The following PARG variants were observed in gnomAD, a reference collection of about 807,000 sequenced individuals.
The protein encoded by PARG is mitochondrial poly(ADP-ribose) glycohydrolase.
Under a neutral mutation model 113.0 loss-of-function variants are expected in PARG, and 35 were observed. That is an observed-to-expected ratio of 0.31 (90% CI 0.24 to 0.41). PARG has a LOEUF of 0.41. Ranked by LOEUF, PARG falls within the 10% of genes least tolerant of loss-of-function variation. PARG has a pLI of 1.00. For missense variants in PARG, 797 were observed against 1,169.4 expected (o/e 0.68, Z 4.64); for synonymous variants, 330 against 409.9 (o/e 0.81, Z 2.36).
chr10:49,838,334 G>A (rs577133218), intron 15 of PARG, among the ~76,000 whole-genome samples: 1 of 151,108 alleles, frequency 6.6e-6, no homozygotes, highest in East Asian at 1.9e-4. Flanking sequence ...AGGAGGCTGA[G>A]GCAGGAGAAT....
chr10:49,857,009 CAAAAAAA>C (rs71270682), intron 13 of PARG, among the ~76,000 whole-genome samples: 1 of 74,628 alleles, frequency 1.3e-5, no homozygotes, highest in East Asian at 4.9e-4. Context: ...ACCTCTGTCT[CAAAAAAA>C]AAAAAAAAAA....
At chr10:49,908,156 G>A (rs1204035968) in intron 7 of PARG, among the ~76,000 whole-genome samples, 12 of 152,238 alleles carry the variant, frequency 7.9e-5, no homozygotes, top group Middle Eastern at 3.4e-3. Context: ...GCTCAACTAA[G>A]ACTGATATTC....
At chr10:49,897,002 C>A (rs188671833) in intron 7 of PARG, among the ~76,000 whole-genome samples, 3 of 152,020 alleles carry the variant, frequency 2.0e-5, no homozygotes, top group Admixed American at 2.0e-4. Context: ...AAAATAGTCT[C>A]CCCTGTCTGT....
At chr10:49,941,395 G>C (rs1839054395) in intron 1 of PARG, 114 bp downstream of exon 1, 3 of 885,992 alleles carry the variant, frequency 3.4e-6, no homozygotes, top group Non-Finnish European at 5.5e-6. Context: ...TGGACCTCAA[G>C]AGTGACGATG....
chr10:49,876,864 T>C (rs1588929324), intron 9 of PARG, among the ~76,000 whole-genome samples: 1 of 151,204 alleles, frequency 6.6e-6, no homozygotes, highest in East Asian at 2.0e-4. Flanking sequence ...ACTTACCTAC[T>C]GTACAAACTT....
intron 15 of PARG, among the ~76,000 whole-genome samples, chr10:49,834,388 T>C (rs1305485837): frequency 6.6e-6 from 1 of 152,236 alleles, no homozygotes; most frequent in African/African-American, 2.4e-5. Flanking sequence ...AGTTTCTTTC[T>C]TACTGCTGTC....
chr10:49,891,623 A>ATTTTT (rs1160158066), intron 7 of PARG, among the ~76,000 whole-genome samples: 2 of 47,440 alleles, frequency 4.2e-5, no homozygotes, highest in African/African-American at 2.1e-4. Context: ...ATATATATAT[A>ATTTTT]TTTTTTTTTT....
At chr10:49,836,356 G>A (rs1465154683) in intron 15 of PARG, among the ~76,000 whole-genome samples, 5 of 119,106 alleles carry the variant, frequency 4.2e-5, no homozygotes. Flanking sequence ...TGGGTTCAGT[G>A]GTGTGATCCT....
At chr10:49,849,503 T>G (rs1225998431) in intron 13 of PARG, among the ~76,000 whole-genome samples, 1 of 151,848 alleles carries the variant, frequency 6.6e-6, no homozygotes, top group Non-Finnish European at 1.5e-5. Flanking sequence ...AGGATTTATA[T>G]CCAAAATATA....
chr10:49,923,659 G>A (rs528224641), intron 4 of PARG, among the ~76,000 whole-genome samples: 14 of 151,992 alleles, frequency 9.2e-5, no homozygotes, highest in African/African-American at 3.1e-4. Context: ...CGGCGCCAGG[G>A]AAAGGAGTCA....
At chr10:49,921,268 CA>C in intron 6 of PARG, among the ~76,000 whole-genome samples, 1 of 152,166 alleles carries the variant, frequency 6.6e-6, no homozygotes, top group African/African-American at 2.4e-5. Context: ...GTGCTCCTCC[CA>C]CCTAATACCA....
At chr10:49,852,821 T>A (rs1845817786) in intron 13 of PARG, among the ~76,000 whole-genome samples, 1 of 150,688 alleles carries the variant, frequency 6.6e-6, no homozygotes, top group Admixed American at 6.6e-5. Flanking sequence ...TGCCTCGGCC[T>A]CCCAAAGTGC....
intron 6 of PARG, 130 bp downstream of exon 6, chr10:49,922,206 T>C (rs1837912659): frequency 5.4e-6 from 5 of 927,804 alleles, no homozygotes; most frequent in Non-Finnish European, 8.1e-6. Context: ...CTAAGGGGCC[T>C]TCCTTAGTGC....
chr10:49,916,517 ATAAAG>A (rs72095542), intron 6 of PARG, among the ~76,000 whole-genome samples: 28,854 of 151,802 alleles, frequency 0.19, 3,228 homozygotes, highest in Non-Finnish European at 0.27. Context: ...TTCCTTTACT[ATAAAG>A]TATTTTTATA....
chr10:49,902,407 G>A (rs1554843906), intron 7 of PARG, among the ~76,000 whole-genome samples: 1 of 152,126 alleles, frequency 6.6e-6, no homozygotes. Flanking sequence ...TAAGAAGTCA[G>A]GTTCAATCTA....
chr10:49,911,930 A>T lies in PARG; in HGVS notation c.1737+3987T>A, dbSNP rs188881378. ...AACGTAACTGCAAAATATTAATCTT[A>T]ATACGATGTCAAATTTAATTCTTTT... On this transcript the variant is annotated intron_variant, in intron 7 of 17. Coordinates refer to ENST00000616448, the MANE Select transcript of PARG (RefSeq NM_003631.5). Among the ~76,000 whole-genome samples, 57 of 152,334 alleles carry T rather than the reference A, an allele frequency of 3.7e-4. 1 individual carries two copies. Among genetic ancestry groups the T allele is most frequent in the Admixed American group, 7.2e-4 (11 of 15,298 alleles).
At chr10:49,853,179 A>G (rs367876421) in intron 13 of PARG, among the ~76,000 whole-genome samples, 1 of 150,976 alleles carries the variant, frequency 6.6e-6, no homozygotes, top group East Asian at 2.0e-4. Context: ...GACTACAGGC[A>G]CCTGCCACCA....
intron 7 of PARG, among the ~76,000 whole-genome samples, chr10:49,888,351 C>A (rs1398978776): frequency 6.6e-6 from 1 of 151,838 alleles, no homozygotes; most frequent in East Asian, 1.9e-4. Context: ...TTCCATGATT[C>A]CTTTTTTTTA....
chr10:49,852,298 T>A (rs1554834317), intron 13 of PARG, among the ~76,000 whole-genome samples: 1 of 152,062 alleles, frequency 6.6e-6, no homozygotes, highest in Non-Finnish European at 1.5e-5. Context: ...ACCCCATATG[T>A]CCTTAGCCTG....
Sources: gnomAD v4.1 joint callset for allele counts (sites outside exome capture counted in the v4.1 genomes callset) on GRCh38, gnomAD v4.1.1 for gene constraint, MANE v1.5 for transcripts, NCBI Gene and HGNC (gene_info 2026-07-23, HGNC 2026-07-21) for gene names.